ABTB3: variants seen among roughly 807,000 people sequenced by gnomAD.
ABTB3 encodes ankyrin repeat- and BTB/POZ domain-containing protein 3.
the ABTB3 span, among the ~76,000 whole-genome samples, chr12:107,473,863 G>A: frequency 3.3e-5 from 5 of 150,812 alleles, no homozygotes; most frequent in East Asian, 2.0e-4. Context: ...GTGCAGTGGC[G>A]TGATCTCAGC....
the ABTB3 span, among the ~76,000 whole-genome samples, chr12:107,468,843 A>C: frequency 6.6e-6 from 1 of 152,182 alleles, no homozygotes; most frequent in South Asian, 2.1e-4. Context: ...TAGGCATCTT[A>C]ACCCATGATG....
At chr12:107,551,266 G>A in the ABTB3 span, among the ~76,000 whole-genome samples, 2 of 152,118 alleles carry the variant, frequency 1.3e-5, no homozygotes, top group African/African-American at 2.4e-5. Flanking sequence ...ATGCTAGAGC[G>A]AGAAGATGAG....
the ABTB3 span, among the ~76,000 whole-genome samples, chr12:107,442,004 A>T: frequency 6.6e-6 from 1 of 152,172 alleles, no homozygotes; most frequent in Non-Finnish European, 1.5e-5. Flanking sequence ...TGTGCTTAGA[A>T]TGCAGAATTC....
the ABTB3 span, among the ~76,000 whole-genome samples, chr12:107,655,686 C>T: frequency 6.6e-6 from 1 of 152,204 alleles, no homozygotes; most frequent in Admixed American, 6.5e-5. Flanking sequence ...TTTGAGACAG[C>T]TGTGGGATTT....
the ABTB3 span, among the ~76,000 whole-genome samples, chr12:107,464,706 T>TC: frequency 3.8e-3 from 580 of 152,314 alleles, 1 homozygote; most frequent in Non-Finnish European, 6.1e-3. Context: ...CAGCAGGTGC[T>TC]AAGACCCTGA....
the ABTB3 span, among the ~76,000 whole-genome samples, chr12:107,517,071 C>T: frequency 6.6e-6 from 1 of 152,200 alleles, no homozygotes; most frequent in African/African-American, 2.4e-5. Flanking sequence ...GATCCAGTTT[C>T]AACTTTCTAC....
chr12:107,446,044 C>T, the ABTB3 span, among the ~76,000 whole-genome samples: 1 of 152,114 alleles, frequency 6.6e-6, no homozygotes, highest in African/African-American at 2.4e-5. Flanking sequence ...CTGCAACCCC[C>T]TTTTGCCCTG....
chr12:107,508,444 T>TTTTTGTTTTG, the ABTB3 span, among the ~76,000 whole-genome samples: 724 of 76,890 alleles, frequency 9.4e-3, 21 homozygotes, highest in South Asian at 0.014. Context: ...ATTTCTTTTT[T>TTTTTGTTTTG]TTTTTTTTTT....
At chr12:107,363,170 G>C in the ABTB3 span, among the ~76,000 whole-genome samples, 4 of 152,228 alleles carry the variant, frequency 2.6e-5, no homozygotes. Flanking sequence ...CGTTGGGGCA[G>C]GCCTTCTGCC....
chr12:107,372,277 C>A, the ABTB3 span, among the ~76,000 whole-genome samples: 3 of 152,160 alleles, frequency 2.0e-5, no homozygotes, highest in African/African-American at 7.2e-5. Flanking sequence ...GCAACTCCTT[C>A]CCCAGTGACA....
At chr12:107,533,063 C>A in the ABTB3 span, among the ~76,000 whole-genome samples, 1 of 151,726 alleles carries the variant, frequency 6.6e-6, no homozygotes, top group East Asian at 1.9e-4. Flanking sequence ...ACAATATCTA[C>A]CCTGAAAAAA....
the ABTB3 span, among the ~76,000 whole-genome samples, chr12:107,386,838 CAG>C: frequency 1.3e-5 from 2 of 151,774 alleles, no homozygotes; most frequent in Non-Finnish European, 2.9e-5. Flanking sequence ...TGATAGGTCA[CAG>C]TGGCCTGGGC....
At chr12:107,511,537 T>A in the ABTB3 span, among the ~76,000 whole-genome samples, 2 of 151,586 alleles carry the variant, frequency 1.3e-5, no homozygotes. Context: ...GTCCTTCTTA[T>A]CCTCCAGCAT....
the ABTB3 span, among the ~76,000 whole-genome samples, chr12:107,545,055 C>T: frequency 6.6e-6 from 1 of 152,170 alleles, no homozygotes; most frequent in Admixed American, 6.5e-5. Flanking sequence ...AACTTGGGCT[C>T]CTACAGTTTT....
At chr12:107,563,069 G>T in the ABTB3 span, among the ~76,000 whole-genome samples, 1 of 152,134 alleles carries the variant, frequency 6.6e-6, no homozygotes, top group African/African-American at 2.4e-5. Flanking sequence ...CCCTTAGCAG[G>T]GTCCTGGGCC....
At chr12:107,646,894 C>G in the ABTB3 span, among the ~76,000 whole-genome samples, 8 of 152,014 alleles carry the variant, frequency 5.3e-5, no homozygotes, top group African/African-American at 1.9e-4. Flanking sequence ...CTGACTAGAT[C>G]CAGAAGGAGC....
the ABTB3 span, among the ~76,000 whole-genome samples, chr12:107,652,223 G>T: frequency 6.6e-6 from 1 of 152,228 alleles, no homozygotes; most frequent in Non-Finnish European, 1.5e-5. Flanking sequence ...ACATTTTCAG[G>T]CTGTACCCCA....
the ABTB3 span, among the ~76,000 whole-genome samples, chr12:107,614,499 C>T: frequency 6.6e-6 from 1 of 152,070 alleles, no homozygotes; most frequent in Non-Finnish European, 1.5e-5. Flanking sequence ...GGTTTGCCAC[C>T]ACTGAGAATC....
At chr12:107,540,441 C>A in the ABTB3 span, among the ~76,000 whole-genome samples, 1 of 152,164 alleles carries the variant, frequency 6.6e-6, no homozygotes, top group African/African-American at 2.4e-5. Context: ...ATGCCAGTCT[C>A]TTCTGAAAAT....
Sources: allele counts gnomAD v4.1 joint callset (sites outside exome capture counted in the v4.1 genomes callset), GRCh38; gene constraint gnomAD v4.1.1; transcripts MANE v1.5; gene names NCBI Gene and HGNC (gene_info 2026-07-23, HGNC 2026-07-21).